ADGRB3: variants seen among roughly 807,000 people sequenced by gnomAD.
The protein encoded by ADGRB3 is adhesion G protein-coupled receptor B3.
In ADGRB3, 37 loss-of-function variants were observed where a neutral mutation model predicts 193.4. That is an observed-to-expected ratio of 0.19 (90% CI 0.15 to 0.25). ADGRB3 has a LOEUF of 0.25. Among genes scored for constraint, ADGRB3 ranks in the 10% least tolerant of loss-of-function variants. ADGRB3 has a pLI of 1.00. For synonymous variants in ADGRB3, 690 were observed against 644.2 expected, an observed-to-expected ratio of 1.07 and a Z score of -1.08; for missense variants, 1,637 against 1,852.9, an observed-to-expected ratio of 0.88 and a Z score of 2.14.
intron 3 of ADGRB3, among the ~76,000 whole-genome samples, chr6:68,681,931 G>A (rs191374869): frequency 6.6e-6 from 1 of 152,134 alleles, no homozygotes; most frequent in Non-Finnish European, 1.5e-5. Context: ...TAGGGAATGG[G>A]CAACAATACT....
intron 30 of ADGRB3, among the ~76,000 whole-genome samples, chr6:69,381,286 C>G (rs972371502): frequency 5.9e-5 from 9 of 151,900 alleles, no homozygotes; most frequent in African/African-American, 2.2e-4. Context: ...ATATTCCCCC[C>G]CAAACTGATG....
intron 3 of ADGRB3, among the ~76,000 whole-genome samples, chr6:68,893,906 T>C (rs939496838): frequency 6.6e-5 from 10 of 151,956 alleles, no homozygotes; most frequent in Non-Finnish European, 1.3e-4. Context: ...TAATCTGGTA[T>C]TTAACTTCAT....
intron 11 of ADGRB3, among the ~76,000 whole-genome samples, chr6:69,011,447 T>C (rs1223121066): frequency 6.6e-6 from 1 of 151,432 alleles, no homozygotes; most frequent in African/African-American, 2.4e-5. Context: ...CACATAAAAA[T>C]GGCAAAAATA....
intron 15 of ADGRB3, among the ~76,000 whole-genome samples, chr6:69,061,264 G>A (rs1356156667): frequency 2.0e-5 from 3 of 151,820 alleles, no homozygotes; most frequent in Admixed American, 1.3e-4. Context: ...TAACCCATGC[G>A]AAACAGGTGT....
At chr6:68,700,264 G>T (rs1176297109) in intron 3 of ADGRB3, among the ~76,000 whole-genome samples, 1 of 152,078 alleles carries the variant, frequency 6.6e-6, no homozygotes, top group South Asian at 2.1e-4. Context: ...CTTTAAGAAG[G>T]CATTAAATAA....
chr6:69,191,892 C>T (rs1765195759), intron 17 of ADGRB3, among the ~76,000 whole-genome samples: 2 of 152,094 alleles, frequency 1.3e-5, no homozygotes. Flanking sequence ...GCAAGCACTT[C>T]TGAAACAACC....
intron 3 of ADGRB3, among the ~76,000 whole-genome samples, chr6:68,913,796 A>G (rs947390914): frequency 1.3e-5 from 2 of 152,204 alleles, no homozygotes; most frequent in Non-Finnish European, 2.9e-5. Context: ...AAACTTTGAA[A>G]AAAAATTAGG....
At chr6:69,173,257 C>CGA (rs1775334672) in intron 17 of ADGRB3, among the ~76,000 whole-genome samples, 1 of 152,136 alleles carries the variant, frequency 6.6e-6, no homozygotes, top group Non-Finnish European at 1.5e-5. Flanking sequence ...AGGTTGGTCT[C>CGA]GAACTCCTGA....
intron 20 of ADGRB3, among the ~76,000 whole-genome samples, chr6:69,273,177 A>C (rs558189629): frequency 2.0e-5 from 3 of 152,208 alleles, no homozygotes; most frequent in Non-Finnish European, 4.4e-5. Flanking sequence ...CTGGGATTAC[A>C]GGTGTGAGCC....
Position 69,360,895 on chromosome 6 carries a change from C to T in ADGRB3, c.3622C>T (p.Arg1208Ter). 6.2e-7 allele frequency: 1 copy of T among 1,609,156 alleles called. No individual in the cohort carries two copies. Among genetic ancestry groups the T allele is most frequent in the Non-Finnish European group, 8.5e-7 (1 of 1,177,304 alleles). The change falls in exon 29 of 32, where the codon CGA (arginine) becomes TGA (stop). Residue 1208 changes from arginine to a stop codon, truncating the protein, a stop_gained. Coordinates refer to ENST00000370598, the MANE Select transcript of ADGRB3 (RefSeq NM_001704.3). LOFTEE classifies it high-confidence loss of function. The stretch of plus-strand genomic sequence containing the variant: ...TCTTCATAAGGATATTGGTCCTTGC[C>T]GAGCAGCCACAATAACAGGAACACT... The part of the protein sequence containing the change: ...SVLHKDIGPC[R>*]AATITGTLSR...
chr6:69,156,065 A>G (rs570866005), intron 17 of ADGRB3, among the ~76,000 whole-genome samples: 1 of 152,178 alleles, frequency 6.6e-6, no homozygotes, highest in Admixed American at 6.5e-5. Context: ...AAAATATTTA[A>G]TTGAGAACCT....
At chr6:68,745,990 G>A (rs1412253130) in intron 3 of ADGRB3, among the ~76,000 whole-genome samples, 1 of 151,826 alleles carries the variant, frequency 6.6e-6, no homozygotes, top group Admixed American at 6.6e-5. Context: ...CATATTTATT[G>A]CAAAATTGCT....
At chr6:68,905,699 T>C (rs2037221044) in intron 3 of ADGRB3, among the ~76,000 whole-genome samples, 1 of 152,158 alleles carries the variant, frequency 6.6e-6, no homozygotes, top group South Asian at 2.1e-4. Context: ...CCACGTCTCC[T>C]TGCTTCACAG....
At chr6:69,375,898 G>A (rs1273758386) in intron 30 of ADGRB3, among the ~76,000 whole-genome samples, 3 of 151,934 alleles carry the variant, frequency 2.0e-5, no homozygotes, top group South Asian at 2.1e-4. Flanking sequence ...AACCAAGATC[G>A]TGCCGCTGCC....
In ADGRB3 at chr6:68,975,255, C is replaced by A; in HGVS notation, c.1649C>A (p.Ser550Tyr). 1.2e-6 allele frequency: 2 copies of A among 1,613,930 alleles called. No homozygotes were observed. Among genetic ancestry groups the A allele is most frequent in the Non-Finnish European group, 1.7e-6 (2 of 1,179,884 alleles). The change falls in exon 10 of 32, where the codon TCT (serine) becomes TAT (tyrosine). Residue 550 changes from serine (S) to tyrosine (Y), a missense_variant. This residue lies in a region of ADGRB3 where 641 missense variants were observed against 673.9 expected (regional missense o/e 0.95). Coordinates refer to ENST00000370598, the MANE Select transcript of ADGRB3 (RefSeq NM_001704.3). ...NATGTTSRRC[S>Y]LSLHGVAFWE... ...ACAGGCACCACTAGCAGACGCTGCT[C>A]TCTCAGTCTTCATGGAGTGGCCTTC...
At chr6:68,912,746 A>G (rs1254316037) in intron 3 of ADGRB3, among the ~76,000 whole-genome samples, 1 of 152,102 alleles carries the variant, frequency 6.6e-6, no homozygotes, top group Non-Finnish European at 1.5e-5. Context: ...TATGTGCCAC[A>G]TTTGCTTAAT....
At chr6:69,017,238 C>T (rs895979629) in intron 12 of ADGRB3, among the ~76,000 whole-genome samples, 2 of 151,996 alleles carry the variant, frequency 1.3e-5, no homozygotes, top group East Asian at 1.9e-4. Context: ...TACACATGTG[C>T]CTGCTATCCC....
chr6:69,260,046 C>A (rs1283611277), intron 20 of ADGRB3, among the ~76,000 whole-genome samples: 5 of 152,076 alleles, frequency 3.3e-5, no homozygotes, highest in Non-Finnish European at 7.3e-5. Flanking sequence ...TTTTAATACG[C>A]AAAATTATGT....
chr6:68,936,418 A>G (rs1426437117), intron 4 of ADGRB3, 101 bp from the exon 5 acceptor site: 1 of 1,205,506 alleles, frequency 8.3e-7, no homozygotes, highest in East Asian at 2.6e-5. Flanking sequence ...ATATTTTTAC[A>G]TTTAAATTAT....
Sources: gnomAD v4.1 joint callset for allele counts (sites outside exome capture counted in the v4.1 genomes callset) on GRCh38, gnomAD v4.1.1 for gene constraint, gnomAD v4.1.1 regional missense constraint, MANE v1.5 for transcripts, NCBI Gene and HGNC (gene_info 2026-07-23, HGNC 2026-07-21) for gene names.